Variants in TSNARE1 observed in about 807,000 individuals in gnomAD.
TSNARE1 encodes t-SNARE domain-containing protein 1.
A neutral mutation model predicts 62.0 loss-of-function variants in TSNARE1; 49 were observed. The observed-to-expected ratio is 0.79, with a 90% CI of 0.63 to 1.00. TSNARE1 has a LOEUF of 1.00. Ranked by LOEUF, TSNARE1 falls within the 50% of genes least tolerant of loss-of-function variation. The pLI is 0.00. For synonymous variants in TSNARE1, 328 were observed against 294.4 expected, an observed-to-expected ratio of 1.11 and a Z score of -1.17; for missense variants, 755 against 700.1, an observed-to-expected ratio of 1.08 and a Z score of -0.88.
At chr8:142,346,479 A>G (rs1019719025) in intron 2 of TSNARE1, among the ~76,000 whole-genome samples, 1 of 152,266 alleles carries the variant, frequency 6.6e-6, no homozygotes, top group Non-Finnish European at 1.5e-5. Context: ...ACATTTCTGG[A>G]CACATTTCAT....
intron 12 of TSNARE1, among the ~76,000 whole-genome samples, chr8:142,265,522 T>G (rs1819089885): frequency 6.6e-6 from 1 of 152,190 alleles, no homozygotes; most frequent in Admixed American, 6.5e-5. Flanking sequence ...CTTTTCCACT[T>G]TGGGGCCATG....
At chr8:142,380,872 C>A (rs1349814386) in intron 1 of TSNARE1, among the ~76,000 whole-genome samples, 1 of 152,032 alleles carries the variant, frequency 6.6e-6, no homozygotes. Flanking sequence ...GAGATAAAGT[C>A]CTTTTAAGAA....
At chr8:142,230,215 T>A (rs1817035441) in intron 12 of TSNARE1, among the ~76,000 whole-genome samples, 1 of 152,062 alleles carries the variant, frequency 6.6e-6, no homozygotes, top group Non-Finnish European at 1.5e-5. Context: ...GAATGTGGGG[T>A]GGGAAACCCC....
In TSNARE1 at chr8:142,285,823, G is replaced by C. The variant is rs559441730; in HGVS notation, c.1291-1338C>G. ...CCTTTACCCTAACTCCTTTTTCCCA[G>C]TTAAGTGGCTCTGATGATCCTAAGA... On this transcript the variant is annotated intron_variant, in intron 10 of 13. Transcript: ENST00000524325. Among the ~76,000 whole-genome samples the C allele has an allele frequency of 3.9e-5, 6 of 152,196 alleles. No individual in the cohort carries two copies. The South Asian group carries it at 1.2e-3, about 32-fold the overall frequency.
intron 4 of TSNARE1, among the ~76,000 whole-genome samples, chr8:142,333,054 G>A (rs962738715): frequency 5.3e-5 from 8 of 152,236 alleles, no homozygotes; most frequent in African/African-American, 1.9e-4. Context: ...GGTCGAGAAC[G>A]ACCAAGGCAA....
intron 9 of TSNARE1, among the ~76,000 whole-genome samples, chr8:142,309,619 T>C (rs1827256328): frequency 1.3e-5 from 2 of 152,244 alleles, no homozygotes; most frequent in South Asian, 2.1e-4. Context: ...TTTATAATGA[T>C]GGATCATCCT....
chr8:142,231,924 G>A (rs1817134421), intron 12 of TSNARE1, among the ~76,000 whole-genome samples: 1 of 152,224 alleles, frequency 6.6e-6, no homozygotes, highest in Non-Finnish European at 1.5e-5. Context: ...AGTGCAAGGT[G>A]GATTTTCCTG....
chr8:142,261,110 AGG>A (rs1432601901), intron 12 of TSNARE1, among the ~76,000 whole-genome samples: 2 of 67,216 alleles, frequency 3.0e-5, no homozygotes, highest in Admixed American at 1.4e-4. Flanking sequence ...GAGGGGGAGC[AGG>A]GAAGGAGAGA....
At chr8:142,275,105 C>A in intron 11 of TSNARE1, 1 of 985,412 alleles carries the variant, frequency 1.0e-6, no homozygotes, top group African/African-American at 1.7e-5. Flanking sequence ...CCTCAGTGCC[C>A]ACACCAGGTG....
chr8:142,271,272 G>A (rs1311637223), intron 12 of TSNARE1: 14 of 1,050,362 alleles, frequency 1.3e-5, no homozygotes, highest in African/African-American at 1.0e-4. Flanking sequence ...TCGAGGGTCC[G>A]GTTGAGGGCC....
intron 1 of TSNARE1, among the ~76,000 whole-genome samples, chr8:142,393,271 G>A (rs930513133): frequency 2.6e-5 from 4 of 152,166 alleles, no homozygotes; most frequent in Admixed American, 1.3e-4. Context: ...TCTACGACTC[G>A]CTTCAACTGA....
At chr8:142,226,968 CGG>C (rs1563760356) in intron 13 of TSNARE1, among the ~76,000 whole-genome samples, 2 of 130,892 alleles carry the variant, frequency 1.5e-5, no homozygotes, top group African/African-American at 8.1e-5. Flanking sequence ...TGCACCCACA[CGG>C]CAGTGACAGC....
chr8:142,238,714 TGCCCCTGCACACCC>T (rs1313321057), intron 12 of TSNARE1, among the ~76,000 whole-genome samples: 13 of 101,394 alleles, frequency 1.3e-4, no homozygotes, highest in Non-Finnish European at 2.2e-4. Context: ...CATGCACACC[TGCCCCTGCACACCC>T]GCCCCTGCAC....
rs2130070368 is a variant in TSNARE1, at chr8:142,229,479, T to A, written c.*5A>T. 1 of 1,613,770 alleles carries A rather than the reference T, an allele frequency of 6.2e-7. No homozygotes were observed. The highest frequency in any genetic ancestry group is 1.1e-5 in the South Asian group (1 of 91,062). On this transcript the variant is annotated 3_prime_UTR_variant, in exon 13 of 14. Coordinates refer to ENST00000524325, the MANE Select transcript of TSNARE1 (RefSeq NM_145003.5). ...GGGTAGGTGGGGTACTCACCACGGG[T>A]AGCATCACTTTCGGACAGAGGTGGC...
intron 13 of TSNARE1, among the ~76,000 whole-genome samples, chr8:142,229,031 ATGGATGGG>A (rs1816965735): frequency 6.7e-6 from 1 of 150,346 alleles, no homozygotes; most frequent in Non-Finnish European, 1.5e-5. Context: ...GGATGGATGG[ATGGATGGG>A]TGGATGAGTG....
In TSNARE1 at chr8:142,310,417, T is replaced by C. The variant is rs139150402; in HGVS notation, c.1131+3967A>G. Among the ~76,000 whole-genome samples, 54 of 151,458 alleles carry C rather than the reference T, an allele frequency of 3.6e-4. 3 individuals are homozygous for C. Among genetic ancestry groups the C allele is most frequent in the African/African-American group, 1.3e-3 (53 of 40,786 alleles). ...ATCATCACCGTTCCACCGTCGACGTTAACCTGGGCGCAGCCACATCAACTG... is the reference window on the plus strand; with the variant it reads ...ATCATCACCGTTCCACCGTCGACGTCAACCTGGGCGCAGCCACATCAACTG... On this transcript the variant is annotated intron_variant, in intron 9 of 13. Transcript: ENST00000524325.
intron 1 of TSNARE1, among the ~76,000 whole-genome samples, chr8:142,395,555 C>G (rs1229528481): frequency 6.6e-6 from 1 of 152,242 alleles, no homozygotes; most frequent in Admixed American, 6.5e-5. Context: ...CTGGAGCTGC[C>G]AGGAAGATCT....
At chr8:142,402,988 A>G (rs1415537464) in intron 1 of TSNARE1, 116 bp downstream of exon 1, 1 of 94,156 alleles carries the variant, frequency 1.1e-5, no homozygotes, top group African/African-American at 4.1e-5. Context: ...GCCCCATACC[A>G]CGCCACGCCG....
At chr8:142,282,298 G>A (rs1347856707) in intron 11 of TSNARE1, among the ~76,000 whole-genome samples, 2 of 152,256 alleles carry the variant, frequency 1.3e-5, no homozygotes, top group African/African-American at 4.8e-5. Flanking sequence ...ATCCACCCCA[G>A]AACAGCCTCA....
Sources: gnomAD v4.1 joint callset for allele counts (sites outside exome capture counted in the v4.1 genomes callset) on GRCh38, gnomAD v4.1.1 for gene constraint, MANE v1.5 for transcripts, NCBI Gene and HGNC (gene_info 2026-07-23, HGNC 2026-07-21) for gene names.